Variants in LAMA2 observed in about 807,000 individuals in gnomAD.
LAMA2 encodes laminin subunit alpha-2.
Under a neutral mutation model 364.8 loss-of-function variants are expected in LAMA2, and 269 were observed. The observed-to-expected ratio is 0.74, with a 90% CI of 0.67 to 0.82. The LOEUF (loss-of-function observed/expected upper bound fraction) is 0.82, where lower values mean the gene tolerates loss of function less well. LAMA2 is among the 40% of genes least tolerant of loss of function. LAMA2 has a pLI of 0.00. For synonymous variants in LAMA2, 1,379 were observed against 1,370.6 expected, an observed-to-expected ratio of 1.01 and a Z score of -0.14; for missense variants, 3,807 against 3,873.2, an observed-to-expected ratio of 0.98 and a Z score of 0.45.
chr6:128,905,786 C>T (rs1777419806), intron 1 of LAMA2, among the ~76,000 whole-genome samples: 2 of 151,164 alleles, frequency 1.3e-5, no homozygotes, highest in Non-Finnish European at 1.5e-5. Context: ...CCTCCCCACT[C>T]CCCCCACCCC....
At chr6:129,079,552 T>TG (rs943325416) in intron 3 of LAMA2, among the ~76,000 whole-genome samples, 12 of 144,348 alleles carry the variant, frequency 8.3e-5, no homozygotes, top group Non-Finnish European at 1.3e-4. Context: ...CTTCTTTTTC[T>TG]GTTTTTTTTT....
intron 51 of LAMA2, among the ~76,000 whole-genome samples, chr6:129,467,505 A>G (rs1583820546): frequency 6.6e-6 from 1 of 151,992 alleles, no homozygotes; most frequent in East Asian, 1.9e-4. Flanking sequence ...ACCTGGATCT[A>G]AAATTGTGAA....
At chr6:128,898,641 C>T (rs1776907387) in intron 1 of LAMA2, among the ~76,000 whole-genome samples, 3 of 152,190 alleles carry the variant, frequency 2.0e-5, no homozygotes, top group African/African-American at 4.8e-5. Flanking sequence ...TTTCTCTTTT[C>T]CATTTTACAA....
At chr6:129,360,500 A>T (rs1255152891) in intron 32 of LAMA2, among the ~76,000 whole-genome samples, 2 of 152,162 alleles carry the variant, frequency 1.3e-5, no homozygotes, top group African/African-American at 4.8e-5. Flanking sequence ...AGCTTTGAAA[A>T]AATCCCCATG....
chr6:129,005,510 A>T (rs1784396575), intron 1 of LAMA2, among the ~76,000 whole-genome samples: 1 of 151,980 alleles, frequency 6.6e-6, no homozygotes, highest in African/African-American at 2.4e-5. Context: ...ATTCATGGGT[A>T]TAGATAACTT....
At chr6:129,358,716 A>G (rs970520077) in intron 32 of LAMA2, among the ~76,000 whole-genome samples, 2 of 152,068 alleles carry the variant, frequency 1.3e-5, no homozygotes, top group Non-Finnish European at 2.9e-5. Flanking sequence ...ATGTATGTGA[A>G]GTATCTAAGC....
intron 12 of LAMA2, among the ~76,000 whole-genome samples, chr6:129,225,477 A>G (rs1268676582): frequency 2.0e-5 from 3 of 152,192 alleles, no homozygotes; most frequent in Admixed American, 6.5e-5. Flanking sequence ...ATTTAGTGCT[A>G]TAAATTTCCC....
chr6:129,311,826 T>A (rs1027966816), intron 22 of LAMA2, among the ~76,000 whole-genome samples: 5 of 152,168 alleles, frequency 3.3e-5, no homozygotes, highest in Admixed American at 6.5e-5. Flanking sequence ...TGCAATAGGG[T>A]AATGAAAATA....
chr6:129,403,974 G>A lies in LAMA2; in HGVS notation c.5865+15G>A, dbSNP rs112251024. 5 of 1,613,594 alleles carry A rather than the reference G, an allele frequency of 3.1e-6. No individual in the cohort carries two copies. In the East Asian group the frequency reaches 6.7e-5, roughly 22 times the overall value. On this transcript the variant is annotated intron_variant, in intron 40 of 64. Transcript: ENST00000421865. ...CTACAAAACTGGTAAGAAACAAATG[G>A]CACATGTGCTGGGAATGGAAGTCAA...
At chr6:129,330,971 C>T (rs988704471) in intron 29 of LAMA2, among the ~76,000 whole-genome samples, 4 of 151,990 alleles carry the variant, frequency 2.6e-5, no homozygotes, top group East Asian at 3.9e-4. Flanking sequence ...CAGGTTCAAG[C>T]CATTCTCCTG....
At chr6:128,954,660 A>G (rs1475725834) in intron 1 of LAMA2, among the ~76,000 whole-genome samples, 1 of 151,972 alleles carries the variant, frequency 6.6e-6, no homozygotes, top group Non-Finnish European at 1.5e-5. Flanking sequence ...AACTACAGCA[A>G]AGCTCTGTTA....
chr6:129,448,760 T>G (rs1188597298), intron 45 of LAMA2, among the ~76,000 whole-genome samples: 1 of 152,220 alleles, frequency 6.6e-6, no homozygotes, highest in African/African-American at 2.4e-5. Flanking sequence ...TAAAGATACT[T>G]AATGCTTAGT....
intron 17 of LAMA2, among the ~76,000 whole-genome samples, chr6:129,275,474 T>A (rs916225598): frequency 2.0e-5 from 3 of 151,742 alleles, no homozygotes; most frequent in Admixed American, 2.0e-4. Context: ...ACAGAAACAT[T>A]GAAAAGAAGC....
At chr6:129,040,124 T>G (rs1394587176) in intron 1 of LAMA2, among the ~76,000 whole-genome samples, 1 of 152,220 alleles carries the variant, frequency 6.6e-6, no homozygotes, top group Non-Finnish European at 1.5e-5. Context: ...GTTCACAAAG[T>G]ATCTTTTAAC....
At chr6:128,959,974 G>T (rs1781376501) in intron 1 of LAMA2, among the ~76,000 whole-genome samples, 1 of 151,962 alleles carries the variant, frequency 6.6e-6, no homozygotes, top group East Asian at 1.9e-4. Context: ...CTAGAAAAGT[G>T]CCTGGCGCAT....
At chr6:129,123,870 A>G (rs1776954578) in intron 4 of LAMA2, among the ~76,000 whole-genome samples, 1 of 152,192 alleles carries the variant, frequency 6.6e-6, no homozygotes, top group South Asian at 2.1e-4. Context: ...TTTTCCTAAC[A>G]AAGTCAATCT....
intron 1 of LAMA2, among the ~76,000 whole-genome samples, chr6:128,961,346 T>G (rs1282828369): frequency 1.4e-5 from 1 of 72,000 alleles, no homozygotes; most frequent in Non-Finnish European, 2.9e-5. Context: ...TATATATATA[T>G]ATATATATAT....
intron 1 of LAMA2, among the ~76,000 whole-genome samples, chr6:129,039,096 A>G (rs1297535766): frequency 6.6e-6 from 1 of 152,228 alleles, no homozygotes; most frequent in Non-Finnish European, 1.5e-5. Context: ...TGCCCTCAGT[A>G]ATTTTATAGA....
intron 1 of LAMA2, among the ~76,000 whole-genome samples, chr6:128,948,800 C>T (rs1387041797): frequency 2.0e-5 from 3 of 152,122 alleles, no homozygotes; most frequent in Admixed American, 2.0e-4. Context: ...CCACTCCCTC[C>T]ATGTGACATG....
Sources: gnomAD v4.1 joint callset for allele counts (sites outside exome capture counted in the v4.1 genomes callset) on GRCh38, gnomAD v4.1.1 for gene constraint, MANE v1.5 for transcripts, NCBI Gene and HGNC (gene_info 2026-07-23, HGNC 2026-07-21) for gene names.